Variants in WASF1 observed in about 807,000 individuals in gnomAD.
WASF1 encodes the protein actin-binding protein WASF1.
WASF1 carries 7 observed loss-of-function variants against 50.5 expected under a neutral mutation model. The ratio of observed to expected loss-of-function variants is 0.14; its 90% CI spans 0.08 to 0.26. The LOEUF is 0.26. Among genes scored for constraint, WASF1 ranks in the 10% least tolerant of loss-of-function variants. The pLI is 1.00. For synonymous variants in WASF1, 205 were observed against 244.0 expected (o/e 0.84, Z 1.49); for missense variants, 470 against 694.7 (o/e 0.68, Z 3.64).
chr6:110,162,955 G>T (rs888645712), intron 2 of WASF1, among the ~76,000 whole-genome samples: 1 of 151,522 alleles, frequency 6.6e-6, no homozygotes, highest in African/African-American at 2.4e-5. Flanking sequence ...AACTGTCTTT[G>T]TTCAAAGATG....
intron 9 of WASF1, among the ~76,000 whole-genome samples, chr6:110,103,044 C>G (rs539484185): frequency 6.6e-6 from 1 of 152,258 alleles, no homozygotes; most frequent in East Asian, 1.9e-4. Context: ...TTGATAACAA[C>G]ACTATAATAA....
intron 6 of WASF1, among the ~76,000 whole-genome samples, chr6:110,107,622 A>G (rs1217484320): frequency 2.0e-5 from 3 of 152,244 alleles, no homozygotes. Flanking sequence ...TCCAAAAGAT[A>G]TCATGTAATA....
In WASF1 at chr6:110,167,527, C is replaced by CT. The variant is rs1196629520; in HGVS notation, c.-126-6796dup. ...GTCTCCTTTGCTAGTGCATCCTTTT[C>CT]TTTAACTTCTGTACCTCTAATTCTT... On this transcript the variant is annotated intron_variant, in intron 2 of 10. Transcript: ENST00000392589. Among the ~76,000 whole-genome samples, 32 of 151,994 alleles carry CT rather than the reference C, an allele frequency of 2.1e-4. 1 individual carries two copies. Among genetic ancestry groups the CT allele is most frequent in the Admixed American group, 2.1e-3 (32 of 15,224 alleles).
chr6:110,165,013 G>C (rs2114610260), intron 2 of WASF1, among the ~76,000 whole-genome samples: 1 of 151,686 alleles, frequency 6.6e-6, no homozygotes, highest in South Asian at 2.1e-4. Flanking sequence ...AGGGTGAAAA[G>C]ATTAGTGGTT....
chr6:110,138,730 T>C (rs1181117700), intron 3 of WASF1, among the ~76,000 whole-genome samples: 2 of 152,172 alleles, frequency 1.3e-5, no homozygotes, highest in African/African-American at 2.4e-5. Context: ...TCTGTGTGAA[T>C]CTGGCTGAGT....
At chr6:110,161,235 G>A (rs1279825832) in intron 2 of WASF1, among the ~76,000 whole-genome samples, 1 of 151,500 alleles carries the variant, frequency 6.6e-6, no homozygotes, top group Non-Finnish European at 1.5e-5. Flanking sequence ...CTGTTTAACT[G>A]TACTAAATAG....
rs372049602 is a variant in WASF1 at position 110,128,447 on chromosome 6, C to G, written c.-28-818G>C. Among the ~76,000 whole-genome samples, 11 of 152,286 alleles carry G rather than the reference C, an allele frequency of 7.2e-5. No individual in the cohort carries two copies. The East Asian group carries it at 9.6e-4, about 13-fold the overall frequency. ...TATCACACAAAATGTATCAGGTGTT[C>G]AAAAGCTCAGATCAAATACTCCAAG... On this transcript the variant is annotated intron_variant, in intron 3 of 10. Transcript: ENST00000392589.
At chr6:110,177,380 T>C (rs1353714620) in intron 2 of WASF1, among the ~76,000 whole-genome samples, 15 of 152,070 alleles carry the variant, frequency 9.9e-5, no homozygotes, top group Admixed American at 9.8e-4. Context: ...CCTTGATAGA[T>C]GAGAAACATT....
chr6:110,165,153 G>A (rs1436096212), intron 2 of WASF1, among the ~76,000 whole-genome samples: 2 of 151,470 alleles, frequency 1.3e-5, no homozygotes, highest in Admixed American at 1.3e-4. Context: ...CCCATCAAAT[G>A]TACAACACCA....
Position 110,108,578 on chromosome 6 carries a change from C to T in WASF1, c.372G>A (p.Thr124=), listed in dbSNP as rs148137530. 640 of 1,613,972 alleles carry T rather than the reference C, an allele frequency of 4.0e-4. 3 individuals carry two copies. Among genetic ancestry groups the T allele is most frequent in the Middle Eastern group, 3.6e-3 (22 of 6,062 alleles). ...RKTLPIPLQE[T]YDVCEQPPPL... ...GTGGAGGCTGTTCACAAACATCGTACGTCTCCTGTAATGGAATAGGCAAAG... is the reference window on the plus strand; with the variant it reads ...GTGGAGGCTGTTCACAAACATCGTATGTCTCCTGTAATGGAATAGGCAAAG... The change falls in exon 6 of 11, where the codon ACG becomes ACA. Residue 124 remains threonine, a synonymous_variant. Coordinates refer to ENST00000392589, the MANE Select transcript of WASF1 (RefSeq NM_003931.3).
intron 5 of WASF1, among the ~76,000 whole-genome samples, chr6:110,109,402 A>G (rs1245453627): frequency 6.6e-6 from 1 of 152,208 alleles, no homozygotes; most frequent in African/African-American, 2.4e-5. Flanking sequence ...ATGTTAAAAT[A>G]AAAAACATAC....
At chr6:110,161,727 G>A (rs1457705474) in intron 2 of WASF1, among the ~76,000 whole-genome samples, 1 of 151,454 alleles carries the variant, frequency 6.6e-6, no homozygotes, top group African/African-American at 2.4e-5. Flanking sequence ...TTATTACAAT[G>A]ATGTTTACAT....
At chr6:110,137,183 A>G (rs1254050584) in intron 3 of WASF1, among the ~76,000 whole-genome samples, 1 of 152,192 alleles carries the variant, frequency 6.6e-6, no homozygotes. Flanking sequence ...TGACTTCTAG[A>G]AATTTTTACT....
At chr6:110,143,881 G>GT (rs925157117) in intron 3 of WASF1, among the ~76,000 whole-genome samples, 2 of 152,118 alleles carry the variant, frequency 1.3e-5, no homozygotes, top group Non-Finnish European at 2.9e-5. Context: ...ATTTGGGTTG[G>GT]TTCCAAGTCT....
intron 4 of WASF1, among the ~76,000 whole-genome samples, chr6:110,119,200 G>C (rs533935691): frequency 7.9e-5 from 12 of 152,172 alleles, no homozygotes; most frequent in African/African-American, 2.9e-4. Context: ...GATCAGAGCA[G>C]AACTGAAGGA....
intron 10 of WASF1, 27 bp downstream of exon 10, chr6:110,101,561 T>C (rs779922912): frequency 1.3e-6 from 2 of 1,581,876 alleles, no homozygotes; most frequent in Non-Finnish European, 1.7e-6. Context: ...ACTATAGCAA[T>C]GCTTTTCATG....
intron 3 of WASF1, among the ~76,000 whole-genome samples, chr6:110,144,539 A>G (rs1583994266): frequency 6.6e-6 from 1 of 152,178 alleles, no homozygotes; most frequent in Non-Finnish European, 1.5e-5. Flanking sequence ...GTCCTTGCCC[A>G]TGCCTATGTC....
intron 3 of WASF1, among the ~76,000 whole-genome samples, chr6:110,135,876 C>CTTTTTTTTTTT (rs778710982): frequency 1.5e-5 from 1 of 68,308 alleles, no homozygotes; most frequent in Non-Finnish European, 2.6e-5. Flanking sequence ...AGTCCATTAT[C>CTTTTTTTTTTT]TTTTTTTTTT....
At chr6:110,134,850 C>G (rs1186360867) in intron 3 of WASF1, among the ~76,000 whole-genome samples, 1 of 152,148 alleles carries the variant, frequency 6.6e-6, no homozygotes, top group African/African-American at 2.4e-5. Flanking sequence ...TTTAGCTATG[C>G]AGGCCCTTTT....
Sources: gnomAD v4.1 joint callset for allele counts (sites outside exome capture counted in the v4.1 genomes callset) on GRCh38, gnomAD v4.1.1 for gene constraint, MANE v1.5 for transcripts, NCBI Gene and HGNC (gene_info 2026-07-23, HGNC 2026-07-21) for gene names.